The following PNLIPRP3 variants were observed in gnomAD, a reference collection of about 807,000 sequenced individuals.
PNLIPRP3 encodes pancreatic lipase related protein 3.
PNLIPRP3 carries 58 observed loss-of-function variants against 52.8 expected under a neutral mutation model. The ratio of observed to expected loss-of-function variants is 1.10; its 90% CI spans 0.89 to 1.37. The LOEUF (loss-of-function observed/expected upper bound fraction) is 1.37, where lower values mean the gene tolerates loss of function less well. Ranked by LOEUF, PNLIPRP3 falls within the 40% of genes most tolerant of loss-of-function variation. The probability of loss-of-function intolerance (pLI) is 0.00; values close to 1 mark genes in which losing one functional copy is unlikely to be tolerated. For synonymous variants in PNLIPRP3, 192 were observed against 185.0 expected (o/e 1.04, Z -0.31); for missense variants, 593 against 561.6 (o/e 1.06, Z -0.57).
At chr10:116,440,149 A>G (rs541466137) in intron 2 of PNLIPRP3, 2 of 602,106 alleles carry the variant, frequency 3.3e-6, no homozygotes, top group African/African-American at 3.7e-5. Flanking sequence ...TAGGATGTTC[A>G]GGGCATATTT....
Position 116,471,763 on chromosome 10 carries a change from T to C in PNLIPRP3, c.1061-5T>C, listed in dbSNP as rs773415956. ...TCCCTTTCCTTCTTGTTTCCTTATA[T>C]CTAGGTTGGAGGCACAAATTGTCTG... On this transcript the variant is annotated splice_polypyrimidine_tract_variant and splice_region_variant and intron_variant, in intron 9 of 11. Coordinates refer to ENST00000369230, the MANE Select transcript of PNLIPRP3 (RefSeq NM_001011709.3). 12 of 1,585,416 alleles carry C rather than the reference T, an allele frequency of 7.6e-6. No individual in the cohort carries two copies. The highest frequency in any genetic ancestry group is 1.0e-5 in the Non-Finnish European group (12 of 1,155,002).
Position 116,476,693 on chromosome 10 carries a change from A to G in PNLIPRP3, c.1214A>G (p.Asp405Gly). 1 of 1,597,492 alleles carries G rather than the reference A, an allele frequency of 6.3e-7. No homozygotes were observed. The highest frequency in any genetic ancestry group is 8.5e-7 in the Non-Finnish European group (1 of 1,175,438). Reference sequence around the variant, plus strand: ...GGCATGACTTACACAAAATTAATCGATGCAGATGTTAACGTTGGAAACATT... The same window carrying G: ...GGCATGACTTACACAAAATTAATCGGTGCAGATGTTAACGTTGGAAACATT... ...EPGMTYTKLI[D>G]ADVNVGNITS... Residue 405 changes from aspartate (D) to glycine (G), a missense_variant, in exon 11 of 12, where the codon GAT (aspartate) becomes GGT (glycine). Asp to Gly is a moderately conservative substitution (Grantham distance 94). Transcript: ENST00000369230.
At chr10:116,432,534 A>G (rs576714317) in intron 1 of PNLIPRP3, among the ~76,000 whole-genome samples, 1 of 152,354 alleles carries the variant, frequency 6.6e-6, no homozygotes, top group East Asian at 1.9e-4. Context: ...TAAAAATATA[A>G]GTAGAAGTGA....
Position 116,461,015 on chromosome 10 carries a change from G to T in PNLIPRP3, c.615G>T (p.Arg205Ser), listed in dbSNP as rs1444795797. Residue 205 changes from arginine to serine, a missense_variant, in exon 6 of 12, where the codon AGG becomes AGT. Transcript: ENST00000369230. ...TCCACAACACTCCAAAGGAAGTCAGGCTAGACCCCTCGGATGCCAACTTTG... is the reference window on the plus strand; with the variant it reads ...TCCACAACACTCCAAAGGAAGTCAGTCTAGACCCCTCGGATGCCAACTTTG... ...PFFHNTPKEV[R>S]LDPSDANFVD... is the part of the protein sequence containing the mutation. 3.1e-6 allele frequency: 5 copies of T among 1,614,196 alleles called. No individual in the cohort carries two copies. The highest frequency in any genetic ancestry group is 3.3e-5 in the Admixed American group (2 of 60,020).
chr10:116,434,801 A>G (rs1845752992), intron 1 of PNLIPRP3, among the ~76,000 whole-genome samples: 1 of 152,198 alleles, frequency 6.6e-6, no homozygotes, highest in Admixed American at 6.5e-5. Flanking sequence ...CTATGAAGTC[A>G]CTGGTTCAAA....
At chr10:116,440,400 A>G (rs1845841135) in intron 2 of PNLIPRP3, among the ~76,000 whole-genome samples, 2 of 152,152 alleles carry the variant, frequency 1.3e-5, no homozygotes, top group Admixed American at 6.6e-5. Flanking sequence ...ACTTCCCTCC[A>G]TTTGGAAAGA....
intron 1 of PNLIPRP3, among the ~76,000 whole-genome samples, chr10:116,430,567 G>A (rs1055326125): frequency 1.3e-5 from 2 of 152,134 alleles, no homozygotes; most frequent in Non-Finnish European, 2.9e-5. Context: ...AGAAGTTCAA[G>A]GAGAGTACAG....
chr10:116,459,979 G>A (rs769974032), intron 5 of PNLIPRP3, among the ~76,000 whole-genome samples: 16 of 152,114 alleles, frequency 1.1e-4, no homozygotes, highest in Non-Finnish European at 5.9e-5. Context: ...TCTTGGCCTG[G>A]CTGGTGTCGA....
rs538018340 is a variant in PNLIPRP3 at position 116,459,089 on chromosome 10, A to G, written c.566-1877A>G. ...CCTTGCTGAAGTGCTCCCTTCTCTT[A>G]GCTTCTATGATTCCGCATCTTCTTG... On this transcript the variant is annotated intron_variant, in intron 5 of 11. Coordinates refer to ENST00000369230, the MANE Select transcript of PNLIPRP3 (RefSeq NM_001011709.3). Among the ~76,000 whole-genome samples the G allele has an allele frequency of 3.0e-4, 46 of 152,026 alleles. 1 individual carries two copies. In the South Asian group the frequency reaches 3.7e-3, roughly 12 times the overall value.
intron 2 of PNLIPRP3, among the ~76,000 whole-genome samples, chr10:116,438,513 T>C (rs935842390): frequency 3.3e-5 from 5 of 152,178 alleles, no homozygotes; most frequent in African/African-American, 7.2e-5. Flanking sequence ...TACACACTAC[T>C]CTTTACTGAA....
intron 4 of PNLIPRP3, among the ~76,000 whole-genome samples, chr10:116,451,855 T>C (rs1423803497): frequency 6.6e-6 from 1 of 151,812 alleles, no homozygotes; most frequent in Admixed American, 6.6e-5. Context: ...AAAAAATTAG[T>C]AAAAAGGAGC....
At chr10:116,429,709 T>C (rs1004608093) in intron 1 of PNLIPRP3, among the ~76,000 whole-genome samples, 2 of 152,236 alleles carry the variant, frequency 1.3e-5, no homozygotes, top group Non-Finnish European at 2.9e-5. Flanking sequence ...GCAGTTAGAC[T>C]GGTGAAGGCA....
At position 116,461,283 on chromosome 10, in the gene PNLIPRP3, CAA is replaced by C. The variant is rs976446689; in HGVS notation, c.806_807del (p.Lys269ArgfsTer7). On this transcript the variant is annotated frameshift_variant, in exon 7 of 12. Transcript: ENST00000369230. LOFTEE classifies it high-confidence loss of function. ...PLLKFNFNAY[K>X]KEMASFFDCN... Reference sequence around the variant, plus strand: ...TACTGAAATTTAACTTCAATGCTTACAAAAAAGGTAAATACTTTCTAAACTAT... The same window carrying C: ...TACTGAAATTTAACTTCAATGCTTACAAAAGGTAAATACTTTCTAAACTAT... 1.2e-6 allele frequency: 2 copies of C among 1,610,624 alleles called. No homozygotes were observed. Among genetic ancestry groups the C allele is most frequent in the Non-Finnish European group, 1.7e-6 (2 of 1,177,746 alleles).
chr10:116,446,039 A>C (rs1845943347), intron 4 of PNLIPRP3, among the ~76,000 whole-genome samples: 1 of 152,152 alleles, frequency 6.6e-6, no homozygotes, highest in South Asian at 2.1e-4. Context: ...GAAAGAAAAT[A>C]GTCATTTAAA....
chr10:116,445,319 G>A (rs1845928894), intron 4 of PNLIPRP3, among the ~76,000 whole-genome samples: 1 of 152,188 alleles, frequency 6.6e-6, no homozygotes, highest in South Asian at 2.1e-4. Context: ...ATGCAAGGCA[G>A]TAGAATGGAG....
At chr10:116,461,338 C>CA in intron 7 of PNLIPRP3, 48 bp downstream of exon 7, 1 of 1,584,148 alleles carries the variant, frequency 6.3e-7, no homozygotes, top group South Asian at 1.1e-5. Flanking sequence ...ATTCACTTAG[C>CA]TCTCTCCTTA....
At chr10:116,471,689 T>G in intron 9 of PNLIPRP3, 79 bp from the exon 10 acceptor site, 1 of 1,105,838 alleles carries the variant, frequency 9.0e-7, no homozygotes, top group East Asian at 2.4e-5. Flanking sequence ...TTTATTTCCA[T>G]TAAAGGATCC....
intron 4 of PNLIPRP3, among the ~76,000 whole-genome samples, chr10:116,445,016 A>G (rs974392308): frequency 3.5e-4 from 54 of 152,360 alleles, no homozygotes; most frequent in African/African-American, 1.3e-3. Context: ...ATACTCTGCG[A>G]CATTCACGAA....
At chr10:116,467,424 T>C (rs1846297872) in intron 8 of PNLIPRP3, among the ~76,000 whole-genome samples, 1 of 152,044 alleles carries the variant, frequency 6.6e-6, no homozygotes, top group East Asian at 1.9e-4. Context: ...AATAAATAAA[T>C]AGGATGTTAC....
Sources: gnomAD v4.1 joint callset for allele counts (sites outside exome capture counted in the v4.1 genomes callset) on GRCh38, gnomAD v4.1.1 for gene constraint, MANE v1.5 for transcripts, NCBI Gene and HGNC (gene_info 2026-07-23, HGNC 2026-07-21) for gene names.